The following TPST2 variants were observed in gnomAD, a reference collection of about 807,000 sequenced individuals.
TPST2 encodes tyrosylprotein sulfotransferase 2.
Under a neutral mutation model 27.8 loss-of-function variants are expected in TPST2, and 16 were observed. The observed-to-expected ratio is 0.58, with a 90% CI of 0.39 to 0.88. The LOEUF is 0.88. Ranked by LOEUF, TPST2 falls within the 40% of genes least tolerant of loss-of-function variation. TPST2 has a pLI of 0.00. For missense variants in TPST2, 464 were observed against 543.1 expected (o/e 0.85, Z 1.45); for synonymous variants, 229 against 231.7 (o/e 0.99, Z 0.10).
At chr22:26,559,942 C>T (rs1022373024) in intron 1 of TPST2, among the ~76,000 whole-genome samples, 2 of 152,080 alleles carry the variant, frequency 1.3e-5, no homozygotes, top group Non-Finnish European at 2.9e-5. Flanking sequence ...GTGTGACAGA[C>T]CGGGTATAGA....
At chr22:26,583,830 G>C (rs1228043152) in intron 1 of TPST2, among the ~76,000 whole-genome samples, 1 of 151,824 alleles carries the variant, frequency 6.6e-6, no homozygotes, top group African/African-American at 2.4e-5. Context: ...ACAAGAGCGA[G>C]ACTTCGTCTC....
In TPST2 at chr22:26,569,265, A is replaced by C. The variant is rs566458044; in HGVS notation, c.-161+20788T>G. ...TTCCATGGATACAAAGTACAAAAACAGGTGAAATTCTAGGGGGAGATGTCA... is the reference window on the plus strand; with the variant it reads ...TTCCATGGATACAAAGTACAAAAACCGGTGAAATTCTAGGGGGAGATGTCA... On this transcript the variant is annotated intron_variant, in intron 1 of 6. Coordinates refer to ENST00000338754, the MANE Select transcript of TPST2 (RefSeq NM_003595.5). Among the ~76,000 whole-genome samples the C allele has an allele frequency of 2.0e-4, 30 of 152,262 alleles. No individual in the cohort carries two copies. The South Asian group carries it at 6.2e-3, about 32-fold the overall frequency.
chr22:26,534,550 C>G (rs753490013), intron 4 of TPST2, among the ~76,000 whole-genome samples: 2 of 152,184 alleles, frequency 1.3e-5, no homozygotes, highest in Non-Finnish European at 1.5e-5. Context: ...CAGGAACGTC[C>G]GACCCATAGC....
At chr22:26,555,219 C>T (rs4822739) in intron 1 of TPST2, 3 of 533,564 alleles carry the variant, frequency 5.6e-6, no homozygotes, top group South Asian at 4.2e-5. Context: ...GCACTGAACT[C>T]AGCGTTCTAG....
At chr22:26,536,920 G>A (rs552501689) in intron 3 of TPST2, among the ~76,000 whole-genome samples, 5 of 152,180 alleles carry the variant, frequency 3.3e-5, no homozygotes, top group Admixed American at 2.6e-4. Flanking sequence ...GGTAACAAGC[G>A]CCTGTAGTCC....
chr22:26,553,560 G>A (rs906870862), intron 1 of TPST2, among the ~76,000 whole-genome samples: 2 of 151,892 alleles, frequency 1.3e-5, no homozygotes, highest in Non-Finnish European at 2.9e-5. Context: ...TTGTGGAGAC[G>A]GGGTCTCACT....
chr22:26,552,830 C>T (rs1296909653), intron 1 of TPST2, among the ~76,000 whole-genome samples: 8 of 152,070 alleles, frequency 5.3e-5, no homozygotes, highest in Admixed American at 5.2e-4. Flanking sequence ...GAGGCCAAGG[C>T]AGGAGGATCA....
intron 6 of TPST2, among the ~76,000 whole-genome samples, chr22:26,526,673 G>A (rs1029705067): frequency 1.3e-5 from 2 of 152,210 alleles, no homozygotes; most frequent in African/African-American, 4.8e-5. Flanking sequence ...TTGTCAATGA[G>A]AAGGTCCAGG....
chr22:26,569,081 T>C (rs1050983654), intron 1 of TPST2, among the ~76,000 whole-genome samples: 11 of 152,062 alleles, frequency 7.2e-5, no homozygotes, highest in Admixed American at 4.6e-4. Flanking sequence ...GCCAGGATGG[T>C]CTCGATCTCC....
intron 1 of TPST2, chr22:26,565,681 C>T (rs1473199457): frequency 6.6e-6 from 1 of 152,204 alleles, no homozygotes; most frequent in African/African-American, 2.4e-5. Flanking sequence ...CAGTGTGAGA[C>T]ACACTTCAAA....
At chr22:26,528,997 AAAAC>A (rs1234253466) in intron 5 of TPST2, among the ~76,000 whole-genome samples, 1 of 119,442 alleles carries the variant, frequency 8.4e-6, no homozygotes, top group Non-Finnish European at 1.9e-5. Context: ...AACAAAAACA[AAAAC>A]AAAAAAAAAA....
chr22:26,558,258 C>A (rs1185342917), intron 1 of TPST2, among the ~76,000 whole-genome samples: 1 of 151,742 alleles, frequency 6.6e-6, no homozygotes, highest in Admixed American at 6.6e-5. Flanking sequence ...CCTGCCTCAG[C>A]CTCCTGAGTA....
At chr22:26,542,631 T>C (rs1289858282) in intron 2 of TPST2, among the ~76,000 whole-genome samples, 1 of 152,060 alleles carries the variant, frequency 6.6e-6, no homozygotes, top group Admixed American at 6.6e-5. Context: ...CCTGCGTAGG[T>C]GAGGGAAGGC....
intron 1 of TPST2, among the ~76,000 whole-genome samples, chr22:26,551,287 A>AAAACAAACAAAC (rs374465030): frequency 6.6e-6 from 1 of 152,276 alleles, no homozygotes; most frequent in African/African-American, 2.4e-5. Context: ...TTCTGCCTAA[A>AAAACAAACAAAC]AAACAAACAA....
Position 26,544,478 on chromosome 22 carries a change from GA to G in TPST2, c.-89+125del, listed in dbSNP as rs1225830912. The G allele has an allele frequency of 2.6e-5, 9 of 348,358 alleles. No homozygotes were observed. In the East Asian group the frequency reaches 8.3e-4, roughly 32 times the overall value. 21.6% of individuals were successfully genotyped at this position (348,358 alleles called of 1,614,324 possible). On this transcript the variant is annotated intron_variant, in intron 2 of 6. Transcript: ENST00000338754. The stretch of plus-strand genomic sequence containing the variant: ...CAACCTGCTGGCTGAACAGAAAGGT[GA>G]AAACCAGCCAGGGGAGTTTGCCCAG...
At chr22:26,545,729 A>G (rs1310369294) in intron 1 of TPST2, among the ~76,000 whole-genome samples, 2 of 152,292 alleles carry the variant, frequency 1.3e-5, no homozygotes, top group East Asian at 3.9e-4. Context: ...GACTTTTCCT[A>G]TTCTGTAAAC....
chr22:26,540,533 G>A (rs774540665), intron 3 of TPST2, among the ~76,000 whole-genome samples: 25 of 152,070 alleles, frequency 1.6e-4, no homozygotes, highest in Non-Finnish European at 2.1e-4. Flanking sequence ...GGGAGGTGGC[G>A]GCTGTTACTC....
chr22:26,534,021 T>C (rs994755562), intron 4 of TPST2, among the ~76,000 whole-genome samples: 8 of 152,196 alleles, frequency 5.3e-5, no homozygotes, highest in Admixed American at 4.6e-4. Context: ...TAAAAGTGAC[T>C]AATAAGAAAC....
chr22:26,560,466 G>T, intron 1 of TPST2: 1 of 737,240 alleles, frequency 1.4e-6, no homozygotes, highest in South Asian at 1.6e-5. Context: ...CAGCGCCGGG[G>T]CAAGTGAGAG....
Sources: gnomAD v4.1 joint callset for allele counts (sites outside exome capture counted in the v4.1 genomes callset) on GRCh38, gnomAD v4.1.1 for gene constraint, MANE v1.5 for transcripts, NCBI Gene and HGNC (gene_info 2026-07-23, HGNC 2026-07-21) for gene names.